Variants in GPC5 observed in about 807,000 individuals in gnomAD.
GPC5 encodes glypican 5.
Under a neutral mutation model 53.9 loss-of-function variants are expected in GPC5, and 47 were observed. That is an observed-to-expected ratio of 0.87 (90% CI 0.69 to 1.11). GPC5 has a LOEUF of 1.11. GPC5 is among the 50% of genes most tolerant of loss of function. The pLI, the probability that GPC5 is intolerant of heterozygous loss-of-function variation, is 0.00. For missense variants in GPC5, 748 were observed against 713.1 expected, an observed-to-expected ratio of 1.05 and a Z score of -0.56; for synonymous variants, 286 against 263.3, an observed-to-expected ratio of 1.09 and a Z score of -0.84.
chr13:91,813,615 G>A (rs2038349554), intron 5 of GPC5, among the ~76,000 whole-genome samples: 1 of 152,182 alleles, frequency 6.6e-6, no homozygotes, highest in Non-Finnish European at 1.5e-5. Context: ...CAAATCAGGA[G>A]TGGGGGTTAG....
intron 2 of GPC5, among the ~76,000 whole-genome samples, chr13:91,610,491 C>T (rs927532867): frequency 6.6e-6 from 1 of 152,150 alleles, no homozygotes; most frequent in Admixed American, 6.5e-5. Flanking sequence ...AAAAATGCAT[C>T]GGCTTCTTCA....
intron 7 of GPC5, chr13:92,701,523 CA>C (rs1355820878): frequency 6.6e-6 from 1 of 151,996 alleles, no homozygotes; most frequent in African/African-American, 2.4e-5. Flanking sequence ...ATATCTGCAA[CA>C]AAAGGGACAT....
chr13:92,096,556 T>C (rs541705206), intron 6 of GPC5, among the ~76,000 whole-genome samples: 16 of 152,190 alleles, frequency 1.1e-4, no homozygotes, highest in Non-Finnish European at 2.4e-4. Context: ...TGAGAGGTGG[T>C]ACATTTTGGG....
chr13:92,329,411 A>T (rs913770616), intron 7 of GPC5, among the ~76,000 whole-genome samples: 1 of 152,058 alleles, frequency 6.6e-6, no homozygotes, highest in African/African-American at 2.4e-5. Context: ...TGGAGTGAGA[A>T]CTCACTTATC....
Position 92,128,293 on chromosome 13 carries a change from T to C in GPC5, c.1402-16537T>C, listed in dbSNP as rs532628335. On this transcript the variant is annotated intron_variant, in intron 6 of 7. Transcript: ENST00000377067. ...TTTTATAGAGAGTGGTTCATAGTAG[T>C]TTTCCTGACACTTTCACCAGTGACA... is the stretch of plus-strand genomic sequence containing the variant. Among the ~76,000 whole-genome samples the C allele has an allele frequency of 9.9e-5, 15 of 152,254 alleles. No homozygotes were observed. In the South Asian group the frequency reaches 3.1e-3, roughly 32 times the overall value.
At chr13:92,119,001 A>G (rs994561613) in intron 6 of GPC5, among the ~76,000 whole-genome samples, 23 of 152,220 alleles carry the variant, frequency 1.5e-4, no homozygotes, top group African/African-American at 5.1e-4. Flanking sequence ...CCTATTGTGT[A>G]TTAGTCTGTT....
chr13:92,563,606 C>A (rs1882768479), intron 7 of GPC5, among the ~76,000 whole-genome samples: 1 of 151,948 alleles, frequency 6.6e-6, no homozygotes. Context: ...ATAGAAAAAA[C>A]TAACATTTTA....
chr13:92,581,368 T>C (rs926242937), intron 7 of GPC5, among the ~76,000 whole-genome samples: 2 of 152,196 alleles, frequency 1.3e-5, no homozygotes, highest in Non-Finnish European at 2.9e-5. Context: ...ATATCCTCCA[T>C]ATTTATTCAT....
intron 6 of GPC5, among the ~76,000 whole-genome samples, chr13:92,058,720 T>G (rs1252065322): frequency 6.6e-6 from 1 of 152,066 alleles, no homozygotes; most frequent in Non-Finnish European, 1.5e-5. Context: ...ATTTTTGAAT[T>G]TTTAGTAGAG....
chr13:92,152,301 G>C (rs1225690513), intron 7 of GPC5, among the ~76,000 whole-genome samples: 4 of 152,216 alleles, frequency 2.6e-5, no homozygotes, highest in African/African-American at 9.6e-5. Context: ...TCTTGAACAA[G>C]TAACTTCTCT....
At chr13:92,756,461 G>A (rs916076465) in intron 7 of GPC5, among the ~76,000 whole-genome samples, 220 of 152,028 alleles carry the variant, frequency 1.4e-3, no homozygotes, top group Admixed American at 2.1e-3. Flanking sequence ...ATTCAACATA[G>A]TGTTGGAAGT....
chr13:91,863,191 G>A (rs1594625615), intron 5 of GPC5, among the ~76,000 whole-genome samples: 1 of 152,144 alleles, frequency 6.6e-6, no homozygotes, highest in East Asian at 1.9e-4. Context: ...CACAGAATGG[G>A]TGCTGCATGA....
intron 2 of GPC5, among the ~76,000 whole-genome samples, chr13:91,582,976 G>A (rs1007451365): frequency 6.6e-6 from 1 of 152,100 alleles, no homozygotes; most frequent in Non-Finnish European, 1.5e-5. Context: ...ACCCCAGCCT[G>A]TTTAACAGAG....
chr13:92,484,056 T>G (rs1284033605), intron 7 of GPC5, among the ~76,000 whole-genome samples: 2 of 152,292 alleles, frequency 1.3e-5, no homozygotes, highest in Admixed American at 6.5e-5. Flanking sequence ...GAGGACCGCT[T>G]GAGCCCAAGA....
chr13:92,397,213 C>A (rs1329753345), intron 7 of GPC5, among the ~76,000 whole-genome samples: 1 of 152,128 alleles, frequency 6.6e-6, no homozygotes, highest in African/African-American at 2.4e-5. Context: ...ATTATAGTCC[C>A]GATCATTCCC....
At chr13:91,627,510 C>T (rs1356885150) in intron 2 of GPC5, among the ~76,000 whole-genome samples, 1 of 151,966 alleles carries the variant, frequency 6.6e-6, no homozygotes, top group African/African-American at 2.4e-5. Flanking sequence ...TTGTAATTGT[C>T]ACTCTCCAGA....
intron 6 of GPC5, among the ~76,000 whole-genome samples, chr13:91,936,627 T>C (rs1168038196): frequency 1.3e-5 from 2 of 152,084 alleles, no homozygotes; most frequent in African/African-American, 4.8e-5. Context: ...TCCAACATGT[T>C]CCATTGTTTA....
At chr13:91,561,135 A>G (rs2031237771) in intron 2 of GPC5, among the ~76,000 whole-genome samples, 1 of 152,164 alleles carries the variant, frequency 6.6e-6, no homozygotes, top group African/African-American at 2.4e-5. Context: ...AGTGGCCAGA[A>G]GATAGATGGA....
intron 7 of GPC5, among the ~76,000 whole-genome samples, chr13:92,405,520 C>T (rs1180784003): frequency 6.6e-6 from 1 of 152,144 alleles, no homozygotes; most frequent in African/African-American, 2.4e-5. Flanking sequence ...TTCTTATATT[C>T]AAAATTTTCA....
Sources: allele counts gnomAD v4.1 joint callset (sites outside exome capture counted in the v4.1 genomes callset), GRCh38; gene constraint gnomAD v4.1.1; transcripts MANE v1.5; gene names NCBI Gene and HGNC (gene_info 2026-07-23, HGNC 2026-07-21).